DIP2C: variants seen among roughly 807,000 people sequenced by gnomAD.
DIP2C encodes the protein disco-interacting protein 2 homolog C.
Under a neutral mutation model 192.4 loss-of-function variants are expected in DIP2C, and 33 were observed. That is an observed-to-expected ratio of 0.17 (90% confidence interval 0.13 to 0.23). DIP2C has a LOEUF of 0.23. DIP2C is among the 10% of genes least tolerant of loss of function. The probability of loss-of-function intolerance (pLI) is 1.00; values close to 1 mark genes in which losing one functional copy is unlikely to be tolerated. For missense variants in DIP2C, 1,537 were observed against 2,110.1 expected (o/e 0.73, Z 5.32); for synonymous variants, 979 against 864.1 (o/e 1.13, Z -2.33).
chr10:356,192 T>C (rs140595618), intron 24 of DIP2C: 231 of 600,762 alleles, frequency 3.8e-4, no homozygotes, highest in African/African-American at 3.5e-3. Flanking sequence ...GGAGAAATAT[T>C]GTAAATAGGT....
chr10:434,653 G>A (rs970718898), intron 4 of DIP2C, among the ~76,000 whole-genome samples: 2 of 152,150 alleles, frequency 1.3e-5, no homozygotes, highest in African/African-American at 4.8e-5. Flanking sequence ...CTTTTTGCAA[G>A]GCAGGTCTAC....
intron 1 of DIP2C, among the ~76,000 whole-genome samples, chr10:579,389 G>A (rs1850421409): frequency 6.6e-6 from 1 of 151,930 alleles, no homozygotes; most frequent in Non-Finnish European, 1.5e-5. Flanking sequence ...TGTGTGTACA[G>A]TGTACACACA....
chr10:330,517 C>T (rs893631825), intron 29 of DIP2C, among the ~76,000 whole-genome samples: 4 of 152,146 alleles, frequency 2.6e-5, no homozygotes, highest in Admixed American at 2.0e-4. Flanking sequence ...ATTTAATTAA[C>T]GGGAACGTTC....
At chr10:428,066 C>T (rs889008302) in intron 4 of DIP2C, among the ~76,000 whole-genome samples, 1 of 152,022 alleles carries the variant, frequency 6.6e-6, no homozygotes, top group African/African-American at 2.4e-5. Flanking sequence ...GAATATAATT[C>T]AACAATAAGA....
At chr10:466,775 T>C (rs987282730) in intron 3 of DIP2C, among the ~76,000 whole-genome samples, 3 of 149,594 alleles carry the variant, frequency 2.0e-5, no homozygotes, top group Non-Finnish European at 4.5e-5. Context: ...AAAAAACACA[T>C]GAAAAAATGC....
intron 3 of DIP2C, among the ~76,000 whole-genome samples, chr10:450,483 C>CA (rs1968764715): frequency 6.6e-6 from 1 of 152,214 alleles, no homozygotes; most frequent in Non-Finnish European, 1.5e-5. Context: ...TTCTGCAGAA[C>CA]ATATCACTTG....
chr10:354,238 G>A (rs1447660560), intron 24 of DIP2C, among the ~76,000 whole-genome samples: 1 of 152,216 alleles, frequency 6.6e-6, no homozygotes, highest in Non-Finnish European at 1.5e-5. Flanking sequence ...GCCCCCATCG[G>A]ATTTGCAGTT....
At chr10:492,495 C>CA (rs1181973918) in intron 1 of DIP2C, among the ~76,000 whole-genome samples, 1 of 152,200 alleles carries the variant, frequency 6.6e-6, no homozygotes, top group East Asian at 1.9e-4. Context: ...ATAAAGCCTG[C>CA]ACTAGGATTC....
chr10:609,486 T>C (rs890917503), intron 1 of DIP2C, among the ~76,000 whole-genome samples: 1 of 152,228 alleles, frequency 6.6e-6, no homozygotes, highest in African/African-American at 2.4e-5. Context: ...GTCTCTCCTT[T>C]CAGCATCCAC....
intron 31 of DIP2C, 120 bp downstream of exon 31, chr10:326,886 A>G: frequency 1.6e-6 from 2 of 1,249,160 alleles, no homozygotes; most frequent in African/African-American, 1.5e-5. Flanking sequence ...CGTGTGACTG[A>G]AAGATCTCTT....
At chr10:367,639 T>C (rs914877139) in intron 18 of DIP2C, among the ~76,000 whole-genome samples, 5 of 152,086 alleles carry the variant, frequency 3.3e-5, no homozygotes, top group African/African-American at 9.7e-5. Flanking sequence ...TAGAACTGTT[T>C]CCATTAGACA....
intron 17 of DIP2C, among the ~76,000 whole-genome samples, chr10:375,370 T>C (rs1355078448): frequency 2.0e-5 from 3 of 152,190 alleles, no homozygotes; most frequent in Admixed American, 6.5e-5. Flanking sequence ...CACCAGGAGC[T>C]GAGTAGATGC....
At chr10:572,794 G>A (rs1391420142) in intron 1 of DIP2C, among the ~76,000 whole-genome samples, 5 of 152,166 alleles carry the variant, frequency 3.3e-5, no homozygotes, top group Non-Finnish European at 7.3e-5. Flanking sequence ...CGTTGGTGCA[G>A]GTGAGAAAAT....
At position 345,106 on chromosome 10, in the gene DIP2C, C is replaced by T; in HGVS notation, c.3236G>A (p.Ser1079Asn). Reference protein sequence around the residue: ...LPTVKMIVEVSRSACLMTTQL... With the variant: ...LPTVKMIVEVNRSACLMTTQL... ...TGTCGTCATCAGACAGGCAGAGCGA[C>T]TCACCTGGCATCAGAGAGCGAGAAT... The change falls in exon 27 of 37, where the codon AGT (serine) becomes AAT (asparagine). Residue 1079 changes from serine (S) to asparagine (N), a missense_variant. By Grantham distance (46) the Ser-to-Asn change is conservative. Around this residue, in one of 4 missense-constraint regions of DIP2C, gnomAD observed 677 missense variants for 989.9 expected, o/e 0.68. Transcript: ENST00000280886. 1 of 1,611,328 alleles carries T rather than the reference C, an allele frequency of 6.2e-7. No individual in the cohort carries two copies. Among genetic ancestry groups the T allele is most frequent in the Non-Finnish European group, 8.5e-7 (1 of 1,179,620 alleles).
intron 1 of DIP2C, among the ~76,000 whole-genome samples, chr10:610,955 G>A (rs1432900718): frequency 6.7e-6 from 1 of 150,044 alleles, no homozygotes; most frequent in African/African-American, 2.5e-5. Context: ...GTTGGAGGTG[G>A]GCCCTGGTGG....
At chr10:600,762 G>A (rs1166073024) in intron 1 of DIP2C, among the ~76,000 whole-genome samples, 1 of 152,226 alleles carries the variant, frequency 6.6e-6, no homozygotes, top group Admixed American at 6.5e-5. Flanking sequence ...CAGTGAGGTT[G>A]GAGGAGTATC....
At chr10:493,593 C>T (rs866316918) in intron 1 of DIP2C, among the ~76,000 whole-genome samples, 16 of 152,260 alleles carry the variant, frequency 1.1e-4, no homozygotes, top group Middle Eastern at 6.8e-3. Flanking sequence ...CGCCGTGGGC[C>T]TCATGGCTTG....
chr10:317,609 T>C (rs527976591), intron 31 of DIP2C, among the ~76,000 whole-genome samples: 16 of 152,340 alleles, frequency 1.1e-4, no homozygotes, highest in African/African-American at 2.9e-4. Context: ...CCAGGCATGT[T>C]CTGTGACTGC....
intron 31 of DIP2C, among the ~76,000 whole-genome samples, chr10:316,499 G>A (rs1037766927): frequency 5.3e-5 from 8 of 152,230 alleles, no homozygotes; most frequent in Admixed American, 5.2e-4. Flanking sequence ...GCCTTTGGAA[G>A]GCAAATACGT....
Sources: allele counts gnomAD v4.1 joint callset (sites outside exome capture counted in the v4.1 genomes callset), GRCh38; gene constraint gnomAD v4.1.1; regional missense constraint gnomAD v4.1.1; transcripts MANE v1.5; gene names NCBI Gene and HGNC (gene_info 2026-07-23, HGNC 2026-07-21).